SLC5A11: variants seen among roughly 807,000 people sequenced by gnomAD.
The protein encoded by SLC5A11 is sodium/myo-inositol cotransporter 2.
SLC5A11 carries 48 observed loss-of-function variants against 69.8 expected under a neutral mutation model. The observed-to-expected ratio is 0.69, with a 90% CI of 0.55 to 0.87. The LOEUF (loss-of-function observed/expected upper bound fraction) is 0.87, where lower values mean the gene tolerates loss of function less well. SLC5A11 is among the 40% of genes least tolerant of loss of function. The pLI, the probability that SLC5A11 is intolerant of heterozygous loss-of-function variation, is 0.00. For missense variants in SLC5A11, 784 were observed against 866.1 expected, an observed-to-expected ratio of 0.91 and a Z score of 1.19; for synonymous variants, 319 against 342.4, an observed-to-expected ratio of 0.93 and a Z score of 0.75.
At chr16:24,909,813 A>T (rs1441905485) in intron 14 of SLC5A11, among the ~76,000 whole-genome samples, 1 of 147,828 alleles carries the variant, frequency 6.8e-6, no homozygotes, top group Non-Finnish European at 1.5e-5. Flanking sequence ...TGGGTGACAG[A>T]ACAAGAGCCT....
chr16:24,879,364 C>T (rs1479374689), intron 7 of SLC5A11, among the ~76,000 whole-genome samples: 1 of 152,108 alleles, frequency 6.6e-6, no homozygotes, highest in Non-Finnish European at 1.5e-5. Flanking sequence ...ATCCCCCTCC[C>T]TCTCCCTCCT....
exon 10 of SLC5A11, chr16:24,898,107 C>T (rs1451670666): frequency 6.2e-7 from 1 of 1,613,852 alleles, no homozygotes. Context: ...ATCCTCTTCC[C>T]AGGTGAGAAC....
chr16:24,898,140 G>A, intron 10 of SLC5A11, 31 bp downstream of exon 11: 1 of 1,610,068 alleles, frequency 6.2e-7, no homozygotes, highest in Non-Finnish European at 8.5e-7. Flanking sequence ...AGAGGTCATT[G>A]GTATGTGAGT....
At chr16:24,907,988 G>A (rs750861824) in exon 13 of SLC5A11, 19 of 1,613,952 alleles carry the variant, frequency 1.2e-5, no homozygotes, top group Non-Finnish European at 1.5e-5. Context: ...GCTGGTCCTG[G>A]TCTCCATCCT....
At chr16:24,907,923 T>C (rs2050192670) in intron 12 of SLC5A11, 40 bp from the exon 14 acceptor site, 1 of 852,078 alleles carries the variant, frequency 1.2e-6, no homozygotes, top group Non-Finnish European at 1.8e-6. Context: ...GAGTAAATGT[T>C]CAGATGATGC....
intron 3 of SLC5A11, among the ~76,000 whole-genome samples, chr16:24,868,000 G>C (rs1431189257): frequency 6.6e-6 from 1 of 151,856 alleles, no homozygotes. Flanking sequence ...AGCTGGTTGT[G>C]GTGGCATGTG....
chr16:24,860,545 A>G lies in SLC5A11; in HGVS notation c.135+1767A>G, dbSNP rs1049000079. ...TGCAGCAGAAATGCGTATATTAAAGAATATATGCATTTGTGATTATACTAG... is the reference window on the plus strand; with the variant it reads ...TGCAGCAGAAATGCGTATATTAAAGGATATATGCATTTGTGATTATACTAG... On this transcript the variant is annotated intron_variant, in intron 2 of 15. Coordinates refer to ENST00000347898, the Ensembl canonical transcript of SLC5A11. Among the ~76,000 whole-genome samples, 6 of 152,334 alleles carry G rather than the reference A, an allele frequency of 3.9e-5. 1 individual carries two copies. Among genetic ancestry groups the G allele is most frequent in the Admixed American group, 1.3e-4 (2 of 15,294 alleles).
chr16:24,895,834 C>T (rs1447434595), intron 9 of SLC5A11, among the ~76,000 whole-genome samples: 1 of 152,160 alleles, frequency 6.6e-6, no homozygotes, highest in Non-Finnish European at 1.5e-5. Context: ...GCAACTGTCT[C>T]TGACAAGGTA....
intron 7 of SLC5A11, among the ~76,000 whole-genome samples, chr16:24,879,378 G>A (rs2047898742): frequency 6.6e-6 from 1 of 152,044 alleles, no homozygotes; most frequent in South Asian, 2.1e-4. Flanking sequence ...CCCTCCTCTA[G>A]TAGTCCCCAA....
chr16:24,900,979 C>T (rs1428394148), intron 10 of SLC5A11, among the ~76,000 whole-genome samples: 2 of 150,854 alleles, frequency 1.3e-5, no homozygotes, highest in Admixed American at 1.3e-4. Context: ...TCATTGTGCA[C>T]TTGCTAAGGG....
chr16:24,903,659 C>T (rs1031885495), intron 10 of SLC5A11, among the ~76,000 whole-genome samples: 2 of 152,256 alleles, frequency 1.3e-5, no homozygotes, highest in Non-Finnish European at 1.5e-5. Flanking sequence ...AGTTCATCCA[C>T]GTTGCCATGA....
chr16:24,876,300 C>T (rs1179569378), intron 6 of SLC5A11, among the ~76,000 whole-genome samples: 5 of 152,018 alleles, frequency 3.3e-5, no homozygotes, highest in African/African-American at 4.8e-5. Context: ...GTCAACATCT[C>T]AGGATGATGT....
chr16:24,901,367 A>G (rs1405470580), intron 10 of SLC5A11, among the ~76,000 whole-genome samples: 1 of 152,146 alleles, frequency 6.6e-6, no homozygotes, highest in Non-Finnish European at 1.5e-5. Context: ...ATAATCCCAG[A>G]AATTTGGGAG....
At chr16:24,880,303 GAGAA>G (rs1261464391) in intron 7 of SLC5A11, among the ~76,000 whole-genome samples, 6 of 152,166 alleles carry the variant, frequency 3.9e-5, no homozygotes, top group Admixed American at 2.6e-4. Context: ...TGGAGCCGGA[GAGAA>G]AGAGTGAAGC....
At chr16:24,862,469 A>G in intron 2 of SLC5A11, 132 bp from the exon 4 acceptor site, 1 of 588,228 alleles carries the variant, frequency 1.7e-6, no homozygotes, top group Non-Finnish European at 3.0e-6. Context: ...TCTGGGAGAA[A>G]CAAAATATAT....
rs2050083074 is a variant in SLC5A11, at chr16:24,906,646, T to C, written c.1007-11T>C. 6.3e-7 allele frequency: 1 copy of C among 1,594,478 alleles called. No individual in the cohort carries two copies. Among genetic ancestry groups the C allele is most frequent in the African/African-American group, 1.3e-5 (1 of 74,470 alleles). ...TGACTGCTCACCTCTGGGCCTGTGT[T>C]TCCTTCGTAGATCAAGTGGCCTGTG... On this transcript the variant is annotated splice_polypyrimidine_tract_variant and intron_variant, in intron 10 of 15. Coordinates refer to ENST00000347898, the Ensembl canonical transcript of SLC5A11.
chr16:24,876,388 A>G (rs1385709973), intron 6 of SLC5A11, among the ~76,000 whole-genome samples: 1 of 152,082 alleles, frequency 6.6e-6, no homozygotes, highest in Non-Finnish European at 1.5e-5. Flanking sequence ...TTAGACAGTG[A>G]TCAGCTGTTT....
intron 7 of SLC5A11, among the ~76,000 whole-genome samples, chr16:24,882,820 A>G (rs570805189): frequency 6.6e-6 from 1 of 151,738 alleles, no homozygotes. Context: ...TAATTTTTGT[A>G]TTTTTAGTAG....
chr16:24,873,519 G>T (rs902566235), intron 5 of SLC5A11, among the ~76,000 whole-genome samples: 4 of 151,770 alleles, frequency 2.6e-5, no homozygotes, highest in African/African-American at 9.7e-5. Context: ...TGCACCTTTA[G>T]TCCCAGCTAG....
Sources: allele counts gnomAD v4.1 joint callset (sites outside exome capture counted in the v4.1 genomes callset), GRCh38; gene constraint gnomAD v4.1.1; transcripts MANE v1.5; gene names NCBI Gene and HGNC (gene_info 2026-07-23, HGNC 2026-07-21).